The following PIRT variants were observed in gnomAD, a reference collection of about 807,000 sequenced individuals.
The protein encoded by PIRT is phosphoinositide interacting regulator of transient receptor potential channels.
A neutral mutation model predicts 7.9 loss-of-function variants in PIRT; 6 were observed. The ratio of observed to expected loss-of-function variants is 0.76; its 90% confidence interval spans 0.42 to 1.51. The LOEUF (loss-of-function observed/expected upper bound fraction) is 1.51, where lower values mean the gene tolerates loss of function less well. Ranked by LOEUF, PIRT falls within the 40% of genes most tolerant of loss-of-function variation. PIRT has a pLI of 0.01. For missense variants in PIRT, 170 were observed against 172.9 expected, an observed-to-expected ratio of 0.98 and a Z score of 0.09; for synonymous variants, 78 against 71.8, an observed-to-expected ratio of 1.09 and a Z score of -0.44.
In PIRT at chr17:10,825,541, G is replaced by A. The variant is rs1193209757; in HGVS notation, c.105C>T (p.Ser35=). 6.2e-7 allele frequency: 1 copy of A among 1,610,568 alleles called. No homozygotes were observed. The highest frequency in any genetic ancestry group is 1.1e-5 in the South Asian group (1 of 90,404). Residue 35 remains serine (S), a synonymous_variant, in exon 2 of 2, where the codon TCC becomes TCT. Transcript: ENST00000580256. ...SQTASSLCIS[S]RSESVWTTTP... is the part of the protein sequence containing the mutation. ...TGGTGGTCCAGACAGACTCGCTCCTGGAGCTGATGCACAGGGAGCTGGCGG... is the reference window on the plus strand; with the variant it reads ...TGGTGGTCCAGACAGACTCGCTCCTAGAGCTGATGCACAGGGAGCTGGCGG...
rs375793053 is a variant in PIRT, at chr17:10,836,059, C to T, written c.-139+1886G>A. Among the ~76,000 whole-genome samples, 74 of 152,244 alleles carry T rather than the reference C, an allele frequency of 4.9e-4. No individual in the cohort carries two copies. The Middle Eastern group carries it at 0.02, about 42-fold the overall frequency. Reference sequence around the variant, plus strand: ...CTGGGATTACAGGTGCATGCCACCACGCCTGCCTAATTTTTGAATTTTTAG... The same window carrying T: ...CTGGGATTACAGGTGCATGCCACCATGCCTGCCTAATTTTTGAATTTTTAG... On this transcript the variant is annotated intron_variant, in intron 1 of 1. Transcript: ENST00000580256.
At chr17:10,830,562 G>T (rs955946478) in intron 1 of PIRT, among the ~76,000 whole-genome samples, 1 of 152,126 alleles carries the variant, frequency 6.6e-6, no homozygotes, top group Non-Finnish European at 1.5e-5. Context: ...CACATTCTAC[G>T]TGTTCAGGAA....
chr17:10,836,550 G>C (rs1305898130), intron 1 of PIRT, among the ~76,000 whole-genome samples: 2 of 152,178 alleles, frequency 1.3e-5, no homozygotes, highest in African/African-American at 4.8e-5. Context: ...ATTGAACTGG[G>C]CATCTCGCAA....
chr17:10,830,880 T>C (rs1387365757), intron 1 of PIRT, among the ~76,000 whole-genome samples: 1 of 152,218 alleles, frequency 6.6e-6, no homozygotes, highest in East Asian at 1.9e-4. Context: ...GTTTGTATTG[T>C]AGGATAGTTA....
chr17:10,834,179 A>AAAAAAGAAAAAAAAG (rs1905528088), intron 1 of PIRT, among the ~76,000 whole-genome samples: 1 of 152,170 alleles, frequency 6.6e-6, no homozygotes, highest in South Asian at 2.1e-4. Flanking sequence ...TAGCAAAAAT[A>AAAAAAGAAAAAAAAG]AAAAAGAAAA....
At chr17:10,834,448 G>T (rs1218415246) in intron 1 of PIRT, among the ~76,000 whole-genome samples, 2 of 152,190 alleles carry the variant, frequency 1.3e-5, no homozygotes, top group Non-Finnish European at 2.9e-5. Flanking sequence ...TCAGAAAATT[G>T]TTGTGGGGCT....
intron 1 of PIRT, among the ~76,000 whole-genome samples, chr17:10,830,631 A>G (rs1209582674): frequency 6.6e-6 from 1 of 152,234 alleles, no homozygotes; most frequent in Non-Finnish European, 1.5e-5. Context: ...TCCATTTATA[A>G]AATGAAGGAG....
intron 1 of PIRT, among the ~76,000 whole-genome samples, chr17:10,834,896 GT>G (rs35273994): frequency 0.053 from 7,309 of 139,048 alleles, 414 homozygotes; most frequent in African/African-American, 0.15. Flanking sequence ...AGCGTTGTTT[GT>G]TTTTTTTTTT....
chr17:10,832,082 G>A (rs948718008), intron 1 of PIRT, among the ~76,000 whole-genome samples: 4 of 152,182 alleles, frequency 2.6e-5, no homozygotes, highest in African/African-American at 4.8e-5. Flanking sequence ...TCTCATTTCC[G>A]TAAAATTCAA....
chr17:10,833,441 C>A (rs1409523081), intron 1 of PIRT, among the ~76,000 whole-genome samples: 1 of 152,146 alleles, frequency 6.6e-6, no homozygotes, highest in African/African-American at 2.4e-5. Flanking sequence ...TGAACTGTGA[C>A]AAAATATTTA....
intron 1 of PIRT, among the ~76,000 whole-genome samples, chr17:10,827,822 A>G (rs1198745295): frequency 1.3e-5 from 2 of 152,120 alleles, no homozygotes; most frequent in Non-Finnish European, 2.9e-5. Flanking sequence ...GTTCAAGGCA[A>G]AGGTCTATAT....
intron 1 of PIRT, among the ~76,000 whole-genome samples, chr17:10,829,020 T>C (rs1597587850): frequency 6.6e-6 from 1 of 152,342 alleles, no homozygotes; most frequent in African/African-American, 2.4e-5. Flanking sequence ...ATAAGCAAAG[T>C]AGCCATTTAA....
Position 10,831,222 on chromosome 17 carries a change from C to T in PIRT, c.-138-5439G>A, listed in dbSNP as rs1048488440. Among the ~76,000 whole-genome samples the T allele has an allele frequency of 4.6e-5, 7 of 152,274 alleles. No individual in the cohort carries two copies. In the East Asian group the frequency reaches 5.8e-4, roughly 13 times the overall value. On this transcript the variant is annotated intron_variant, in intron 1 of 1. Transcript: ENST00000580256. ...TGGTCCAGTGAGAACCACCCTTTTC[C>T]GCTTCAATTAAGTTACTGGTAGTTT...
intron 1 of PIRT, among the ~76,000 whole-genome samples, chr17:10,837,253 C>T (rs145133249): frequency 1.2e-4 from 19 of 152,374 alleles, no homozygotes; most frequent in African/African-American, 3.8e-4. Context: ...CGGGCGATTG[C>T]GTGTGTGACC....
At position 10,823,469 on chromosome 17, in the gene PIRT, G is replaced by C. The variant is rs1905247480; in HGVS notation, c.*1763C>G. The C allele has an allele frequency of 6.6e-6, 1 of 152,290 alleles. No homozygotes were observed. Among genetic ancestry groups the C allele is most frequent in the African/African-American group, 2.4e-5 (1 of 41,456 alleles). 9.4% of individuals were successfully genotyped at this position (152,290 alleles called of 1,614,324 possible). A position where few individuals can be genotyped will look rare whatever the true frequency, so the allele number is the denominator to read the frequency against. ...TGCAGAAGGAACAAGGATGGATTCTGGCTCTGCATATGGAACTGCCATGCA... is the reference window on the plus strand; with the variant it reads ...TGCAGAAGGAACAAGGATGGATTCTCGCTCTGCATATGGAACTGCCATGCA... On this transcript the variant is annotated 3_prime_UTR_variant, in exon 2 of 2. Coordinates refer to ENST00000580256, the MANE Select transcript of PIRT (RefSeq NM_001101387.2).
Position 10,823,745 on chromosome 17 carries a change from TG to T in PIRT, c.*1486del, listed in dbSNP as rs889672236. The T allele has an allele frequency of 4.3e-4, 65 of 152,300 alleles. No individual in the cohort carries two copies. The highest frequency in any genetic ancestry group is 1.5e-3 in the African/African-American group (63 of 41,564). 9.4% of individuals were successfully genotyped at this position (152,300 alleles called of 1,614,324 possible). ...ACAGAAGCACTTCTCAGGGACTCTT[TG>T]CTTGCCAGGCCCTCTGGAAACCCAC... is the stretch of plus-strand genomic sequence containing the variant. On this transcript the variant is annotated 3_prime_UTR_variant, in exon 2 of 2. Transcript: ENST00000580256.
In PIRT at chr17:10,825,325, C is replaced by G. The variant is rs754969694; in HGVS notation, c.321G>C (p.Gly107=). The part of the protein sequence containing the change: ...LSLGLMMLVC[G]LVWVPIIKKK... ...TTTTGATGATGGGCACCCACACCAG[C>G]CCGCACACCAGCATCATGAGTCCCA... Residue 107 remains glycine (G), a synonymous_variant, in exon 2 of 2, where the codon GGG becomes GGC. Transcript: ENST00000580256. 2 of 1,613,952 alleles carry G rather than the reference C, an allele frequency of 1.2e-6. No individual in the cohort carries two copies. The highest frequency in any genetic ancestry group is 1.7e-6 in the Non-Finnish European group (2 of 1,179,880).
intron 1 of PIRT, among the ~76,000 whole-genome samples, chr17:10,826,853 C>A (rs184277021): frequency 6.6e-6 from 1 of 151,904 alleles, no homozygotes; most frequent in Non-Finnish European, 1.5e-5. Flanking sequence ...ACTCTTGTTG[C>A]CCAGGCAGGA....
Position 10,824,934 on chromosome 17 carries a change from G to A in PIRT, c.*298C>T. On this transcript the variant is annotated 3_prime_UTR_variant, in exon 2 of 2. Coordinates refer to ENST00000580256, the MANE Select transcript of PIRT (RefSeq NM_001101387.2). ...AATTTCCCAGCATGCATTGCACTTG[G>A]CAGAGAGAGTTGGATGAATGATGCC... 1 of 397,836 alleles carries A rather than the reference G, an allele frequency of 2.5e-6. No homozygotes were observed. Among genetic ancestry groups the A allele is most frequent in the Non-Finnish European group, 4.5e-6 (1 of 220,586 alleles). The allele number at this position is 397,836 out of a possible 1,614,324, so 24.6% of individuals were successfully genotyped here.
Sources: allele counts gnomAD v4.1 joint callset (sites outside exome capture counted in the v4.1 genomes callset), GRCh38; gene constraint gnomAD v4.1.1; transcripts MANE v1.5; gene names NCBI Gene and HGNC (gene_info 2026-07-23, HGNC 2026-07-21).